The following ZNF717 variants were observed in gnomAD, a reference collection of about 807,000 sequenced individuals.
ZNF717 encodes zinc finger protein 717.
Under a neutral mutation model 13.8 loss-of-function variants are expected in ZNF717, and 9 were observed. That is an observed-to-expected ratio of 0.65 (90% confidence interval 0.39 to 1.14). ZNF717 has a LOEUF of 1.14. Among genes scored for constraint, ZNF717 ranks in the 50% most tolerant of loss-of-function variants. The pLI, the probability that ZNF717 is intolerant of heterozygous loss-of-function variation, is 0.01. For missense variants in ZNF717, 1,040 were observed against 1,080.7 expected (o/e 0.96, Z 0.53); for synonymous variants, 327 against 364.1 (o/e 0.90, Z 1.16).
chr3:75,783,515 A>C (rs112770676), intron 1 of ZNF717, among the ~76,000 whole-genome samples, 151 bp from the exon 2 acceptor site: 2,029 of 121,026 alleles, frequency 0.017, no homozygotes, highest in Middle Eastern at 0.034. Context: ...GAGTCCTTCA[A>C]GCCTCATTAG....
chr3:75,699,283 T>C (rs1277454738), intron 6 of ZNF717, among the ~76,000 whole-genome samples: 4 of 152,414 alleles, frequency 2.6e-5, no homozygotes, highest in Non-Finnish European at 5.9e-5. Context: ...ACTTTGGGGA[T>C]TATTGGAAAG....
intron 4 of ZNF717, among the ~76,000 whole-genome samples, chr3:75,739,669 TTC>T (rs370139335): frequency 1.6e-5 from 2 of 123,748 alleles, no homozygotes; most frequent in East Asian, 5.9e-4. Flanking sequence ...GTCATATGTT[TTC>T]TCTCTTTTTT....
At chr3:75,712,948 ATT>A (rs1937971341) in intron 5 of ZNF717, among the ~76,000 whole-genome samples, 1 of 122,148 alleles carries the variant, frequency 8.2e-6, no homozygotes, top group East Asian at 3.0e-4. Context: ...TTTATATAGA[ATT>A]ATATATATTA....
At chr3:75,760,575 T>G (rs1942913654) in intron 2 of ZNF717, among the ~76,000 whole-genome samples, 1 of 152,126 alleles carries the variant, frequency 6.6e-6, no homozygotes, top group African/African-American at 2.4e-5. Flanking sequence ...CTGCAGATGC[T>G]TAAATTAAAA....
downstream of ZNF717, chr3:75,731,988 T>C (rs1938599360): frequency 1.4e-6 from 1 of 694,124 alleles, no homozygotes; most frequent in Non-Finnish European, 2.6e-6. Context: ...GAAGGTTCCA[T>C]ATGGACAACT....
At chr3:75,718,298 T>G (rs1270094477) in intron 4 of ZNF717, among the ~76,000 whole-genome samples, 1 of 152,042 alleles carries the variant, frequency 6.6e-6, no homozygotes, top group African/African-American at 2.4e-5. Context: ...TCCCAGCCAT[T>G]GGATGTGGGG....
At chr3:75,760,358 A>G (rs150237309) in intron 2 of ZNF717, among the ~76,000 whole-genome samples, 253 of 152,222 alleles carry the variant, frequency 1.7e-3, no homozygotes, top group African/African-American at 5.2e-3. Context: ...ATTTTTTTCT[A>G]AAGTTTACAT....
At chr3:75,763,955 A>G (rs188443690) in intron 2 of ZNF717, among the ~76,000 whole-genome samples, 72 of 152,314 alleles carry the variant, frequency 4.7e-4, no homozygotes, top group African/African-American at 1.7e-3. Flanking sequence ...GGGTGAAAAC[A>G]AGAGCTGACC....
At chr3:75,750,991 AGG>A (rs1941733373) in intron 2 of ZNF717, among the ~76,000 whole-genome samples, 16 of 152,012 alleles carry the variant, frequency 1.1e-4, no homozygotes, top group Non-Finnish European at 2.1e-4. Flanking sequence ...TCCCTCACAC[AGG>A]ATTCCAGAAC....
intron 2 of ZNF717, among the ~76,000 whole-genome samples, chr3:75,772,536 A>C (rs1472435132): frequency 6.6e-6 from 1 of 152,238 alleles, no homozygotes; most frequent in East Asian, 1.9e-4. Context: ...TGATACCCAC[A>C]GTGGAAGCTG....
intron 4 of ZNF717, among the ~76,000 whole-genome samples, chr3:75,720,857 A>G (rs1191808186): frequency 6.6e-6 from 1 of 152,188 alleles, no homozygotes; most frequent in Non-Finnish European, 1.5e-5. Context: ...CTCAAAATAA[A>G]AAGCAATCGC....
chr3:75,755,155 G>C (rs1389831597), intron 2 of ZNF717, among the ~76,000 whole-genome samples: 1 of 152,132 alleles, frequency 6.6e-6, no homozygotes, highest in Non-Finnish European at 1.5e-5. Context: ...AAAAATTCAA[G>C]AAACTTGTTG....
intron 2 of ZNF717, among the ~76,000 whole-genome samples, chr3:75,774,459 C>A (rs1944149081): frequency 6.6e-6 from 1 of 151,844 alleles, no homozygotes; most frequent in Non-Finnish European, 1.5e-5. Context: ...CCTGAAACAC[C>A]CAAAAGAGAG....
At chr3:75,778,763 G>A (rs1022235762) in intron 2 of ZNF717, among the ~76,000 whole-genome samples, 10 of 139,292 alleles carry the variant, frequency 7.2e-5, no homozygotes, top group Middle Eastern at 3.5e-3. Context: ...AACAATGGGA[G>A]TGTCATGCTA....
chr3:75,727,750 C>T (rs1938317136), downstream of ZNF717, among the ~76,000 whole-genome samples: 2 of 152,172 alleles, frequency 1.3e-5, no homozygotes, highest in African/African-American at 4.8e-5. Context: ...TCTAATTTTG[C>T]CTTCACCTTG....
At chr3:75,746,968 G>C (rs1314452135) in intron 2 of ZNF717, among the ~76,000 whole-genome samples, 1 of 152,124 alleles carries the variant, frequency 6.6e-6, no homozygotes, top group Non-Finnish European at 1.5e-5. Context: ...TATTGACTAG[G>C]TTTTCTTCTA....
rs1487400413 is a variant in ZNF717, at chr3:75,738,189, G to C, written c.1434C>G (p.Pro478=). Residue 478 remains proline (P), a synonymous_variant, in exon 5 of 5, where the codon CCC becomes CCG. Coordinates refer to ENST00000652011, the MANE Select transcript of ZNF717 (RefSeq NM_001290208.3). ...LHQRTHTGEK[P]YECNECGKTF... is the part of the protein sequence containing the mutation. ...TTTTCCCACATTCATTGCATTCATA[G>C]GGTTTTTCCCCTGTGTGAGTTCTCT... 11 of 1,574,944 alleles carry C rather than the reference G, an allele frequency of 7.0e-6. No individual in the cohort carries two copies. The highest frequency in any genetic ancestry group is 8.6e-7 in the Non-Finnish European group (1 of 1,160,070).
intron 2 of ZNF717, among the ~76,000 whole-genome samples, chr3:75,782,831 C>T (rs184339599): frequency 5.8e-4 from 87 of 151,082 alleles, no homozygotes; most frequent in African/African-American, 2.0e-3. Flanking sequence ...CACAACACGC[C>T]GTGCTTTAGC....
At chr3:75,783,414 T>C (rs111360472) in intron 1 of ZNF717, 50 bp from the exon 2 acceptor site, 3 of 1,442,030 alleles carry the variant, frequency 2.1e-6, no homozygotes, top group Non-Finnish European at 2.9e-6. Context: ...TGGTGTGGTG[T>C]GGTCCCAGAT....
Sources: allele counts gnomAD v4.1 joint callset (sites outside exome capture counted in the v4.1 genomes callset), GRCh38; gene constraint gnomAD v4.1.1; transcripts MANE v1.5; gene names NCBI Gene and HGNC (gene_info 2026-07-23, HGNC 2026-07-21).